DACH1: variants seen among roughly 807,000 people sequenced by gnomAD.
DACH1 encodes the protein dachshund homolog 1.
Under a neutral mutation model 54.2 loss-of-function variants are expected in DACH1, and 12 were observed. The ratio of observed to expected loss-of-function variants is 0.22; its 90% confidence interval spans 0.14 to 0.36. The LOEUF (loss-of-function observed/expected upper bound fraction) is 0.36. Among genes scored for constraint, DACH1 ranks in the 10% least tolerant of loss-of-function variants. The pLI is 1.00. For synonymous variants in DACH1, 386 were observed against 366.2 expected (o/e 1.05, Z -0.62); for missense variants, 805 against 929.8 (o/e 0.87, Z 1.75).
intron 1 of DACH1, among the ~76,000 whole-genome samples, chr13:71,777,473 TC>T (rs1366871354): frequency 6.6e-6 from 1 of 152,124 alleles, no homozygotes; most frequent in African/African-American, 2.4e-5. Context: ...TAGTATCACT[TC>T]CCCTCTTCTA....
Position 71,489,108 on chromosome 13 carries a change from A to G in DACH1, c.1611T>C (p.Leu537=), listed in dbSNP as rs1878779626. The G allele has an allele frequency of 1.2e-6, 2 of 1,613,764 alleles. No individual in the cohort carries two copies. Among genetic ancestry groups the G allele is most frequent in the Non-Finnish European group, 8.5e-7 (1 of 1,179,766 alleles). The change falls in exon 7 of 11, where the codon CTT becomes CTC. Residue 537 remains leucine, a synonymous_variant. Transcript: ENST00000613252. ...PLSTPTARDS[L]DKLSLTGHGQ... The stretch of plus-strand genomic sequence containing the variant: ...CATGCCCAGTTAGAGAGAGTTTGTC[A>G]AGGCTGTCTCTTGCGGTTGGTGTAG...
chr13:71,841,873 T>C (rs539731025), intron 1 of DACH1, among the ~76,000 whole-genome samples: 2 of 152,226 alleles, frequency 1.3e-5, no homozygotes, highest in Non-Finnish European at 2.9e-5. Flanking sequence ...GAATTCCTAC[T>C]AACTTCTACA....
intron 10 of DACH1, among the ~76,000 whole-genome samples, chr13:71,472,651 C>T (rs1168042032): frequency 2.6e-5 from 4 of 152,054 alleles, no homozygotes; most frequent in African/African-American, 4.8e-5. Context: ...GTCATAACAC[C>T]TGGGCTTGGG....
chr13:71,755,515 G>A (rs1472194561), intron 1 of DACH1, among the ~76,000 whole-genome samples: 2 of 152,198 alleles, frequency 1.3e-5, no homozygotes, highest in African/African-American at 4.8e-5. Flanking sequence ...GAGCTAGGAA[G>A]TCTTAAGTTA....
rs578187058 is a variant in DACH1 at position 71,611,766 on chromosome 13, A to G, written c.1126+18790T>C. 1.7e-3 allele frequency among the ~76,000 whole-genome samples: 254 copies of G among 152,294 alleles called. 7 individuals carry two copies. The South Asian group carries it at 0.05, about 30-fold the overall frequency. On this transcript the variant is annotated intron_variant, in intron 3 of 10. Transcript: ENST00000613252. Reference sequence around the variant, plus strand: ...CAGCTATTTCTCCAGAAATATGGACAATGGTATGAATTCATCTCTAAATTC... The same window carrying G: ...CAGCTATTTCTCCAGAAATATGGACGATGGTATGAATTCATCTCTAAATTC...
chr13:71,849,453 T>G (rs1873518333), intron 1 of DACH1, among the ~76,000 whole-genome samples: 1 of 152,228 alleles, frequency 6.6e-6, no homozygotes, highest in South Asian at 2.1e-4. Context: ...TTAAGACTCT[T>G]TAAAGCACTG....
intron 1 of DACH1, among the ~76,000 whole-genome samples, chr13:71,753,834 C>T (rs1319996816): frequency 6.6e-6 from 1 of 152,128 alleles, no homozygotes; most frequent in Non-Finnish European, 1.5e-5. Context: ...GAGCTGTAAA[C>T]TACTATACAA....
At chr13:71,453,781 T>C (rs928824162) in intron 10 of DACH1, among the ~76,000 whole-genome samples, 9 of 152,160 alleles carry the variant, frequency 5.9e-5, no homozygotes, top group Non-Finnish European at 1.3e-4. Flanking sequence ...AGTGTTCAAC[T>C]TGACAAATGA....
chr13:71,686,851 C>CCATT (rs907397642), intron 1 of DACH1, among the ~76,000 whole-genome samples: 10 of 152,264 alleles, frequency 6.6e-5, no homozygotes, highest in South Asian at 2.1e-4. Flanking sequence ...TTCCATTCAA[C>CCATT]CATTCATTCA....
At chr13:71,483,231 C>T (rs1023223716) in intron 7 of DACH1, among the ~76,000 whole-genome samples, 9 of 151,270 alleles carry the variant, frequency 5.9e-5, no homozygotes, top group Non-Finnish European at 1.0e-4. Flanking sequence ...TATATAATTA[C>T]GATTGAAAAT....
intron 1 of DACH1, among the ~76,000 whole-genome samples, chr13:71,816,543 G>A (rs1445731566): frequency 1.4e-5 from 2 of 146,774 alleles, no homozygotes; most frequent in Non-Finnish European, 3.0e-5. Flanking sequence ...AGAAAATGTG[G>A]TATGTGGTAT....
At chr13:71,553,684 CTTAA>C (rs1435505779) in intron 6 of DACH1, among the ~76,000 whole-genome samples, 1 of 141,228 alleles carries the variant, frequency 7.1e-6, no homozygotes, top group African/African-American at 2.6e-5. Flanking sequence ...ATATATATGC[CTTAA>C]TTATACTCTC....
intron 6 of DACH1, among the ~76,000 whole-genome samples, chr13:71,521,685 C>G (rs2138282667): frequency 6.6e-6 from 1 of 152,036 alleles, no homozygotes; most frequent in East Asian, 1.9e-4. Flanking sequence ...TTTTCTTCAC[C>G]CAGAAAGTAA....
intron 3 of DACH1, among the ~76,000 whole-genome samples, chr13:71,582,351 A>C (rs1872910980): frequency 6.6e-6 from 1 of 152,160 alleles, no homozygotes; most frequent in Non-Finnish European, 1.5e-5. Flanking sequence ...CAATACGAAT[A>C]CATGAATGCC....
intron 10 of DACH1, among the ~76,000 whole-genome samples, chr13:71,473,973 C>T (rs1362252908): frequency 1.3e-5 from 2 of 152,146 alleles, no homozygotes; most frequent in Non-Finnish European, 2.9e-5. Flanking sequence ...TAACCATATA[C>T]ATACAAACAC....
chr13:71,546,674 A>G (rs1382114495), intron 6 of DACH1, among the ~76,000 whole-genome samples: 1 of 152,032 alleles, frequency 6.6e-6, no homozygotes, highest in Non-Finnish European at 1.5e-5. Context: ...GGCTATAAAG[A>G]TTAAATAAGA....
intron 3 of DACH1, among the ~76,000 whole-genome samples, chr13:71,574,764 T>C (rs1007430066): frequency 6.6e-6 from 1 of 152,036 alleles, no homozygotes; most frequent in African/African-American, 2.4e-5. Flanking sequence ...TCTTTATTAT[T>C]TTACAAGAAA....
intron 1 of DACH1, among the ~76,000 whole-genome samples, chr13:71,762,139 G>A (rs1488526279): frequency 6.6e-6 from 1 of 152,080 alleles, no homozygotes; most frequent in East Asian, 1.9e-4. Context: ...ACTGGTCCAA[G>A]GTAGGGGCTG....
At chr13:71,832,589 A>G (rs1384295423) in intron 1 of DACH1, among the ~76,000 whole-genome samples, 1 of 151,972 alleles carries the variant, frequency 6.6e-6, no homozygotes, top group South Asian at 2.1e-4. Context: ...ATAGAAAATT[A>G]TACTTAAAAA....
Sources: gnomAD v4.1 joint callset for allele counts (sites outside exome capture counted in the v4.1 genomes callset) on GRCh38, gnomAD v4.1.1 for gene constraint, MANE v1.5 for transcripts, NCBI Gene and HGNC (gene_info 2026-07-23, HGNC 2026-07-21) for gene names.